Variants in SEC14L1 observed in about 807,000 individuals in gnomAD.
The protein encoded by SEC14L1 is SEC14 like lipid binding 1.
A neutral mutation model predicts 85.3 loss-of-function variants in SEC14L1; 48 were observed. That is an observed-to-expected ratio of 0.56 (90% CI 0.45 to 0.72). SEC14L1 has a LOEUF of 0.72. Among genes scored for constraint, SEC14L1 ranks in the 30% least tolerant of loss-of-function variants. The pLI, the probability that SEC14L1 is intolerant of heterozygous loss-of-function variation, is 0.00. For missense variants in SEC14L1, 682 were observed against 921.4 expected (o/e 0.74, Z 3.36); for synonymous variants, 391 against 355.5 (o/e 1.10, Z -1.12).
chr17:77,125,109 A>G (rs1278655530), intron 3 of SEC14L1, among the ~76,000 whole-genome samples: 1 of 151,666 alleles, frequency 6.6e-6, no homozygotes, highest in Non-Finnish European at 1.5e-5. Flanking sequence ...GGTTCAAGCG[A>G]TTCTCCTGCC....
intron 3 of SEC14L1, among the ~76,000 whole-genome samples, chr17:77,152,218 C>CA: frequency 6.6e-6 from 1 of 152,038 alleles, no homozygotes; most frequent in Non-Finnish European, 1.5e-5. Context: ...CCAAAATATT[C>CA]AGTCTCCATA....
At chr17:77,198,722 C>T (rs374382653) in intron 8 of SEC14L1, among the ~76,000 whole-genome samples, 6 of 152,002 alleles carry the variant, frequency 3.9e-5, no homozygotes, top group Admixed American at 2.0e-4. Context: ...CTCAGGCACC[C>T]GCCACCACGC....
rs373529746 is a variant in SEC14L1 at position 77,200,517 on chromosome 17, C to T, written c.853C>T (p.Arg285Cys). ...AGATGAGCATATTCTTCGGTTCCTC[C>T]GTGCACGGGATTTTAATATTGACAA... is the stretch of plus-strand genomic sequence containing the variant. Reference protein sequence around the residue: ...PKDEHILRFLRARDFNIDKAR... With the variant: ...PKDEHILRFLCARDFNIDKAR... The change falls in exon 9 of 17, where the codon CGT becomes TGT. Residue 285 changes from arginine to cysteine, a missense_variant. By Grantham distance (180) the Arg-to-Cys change is radical. This residue lies in a region of SEC14L1 where 420 missense variants were observed against 619.5 expected (regional missense o/e 0.68). Coordinates refer to ENST00000436233, the MANE Select transcript of SEC14L1 (RefSeq NM_001143998.2). 1.1e-5 allele frequency: 18 copies of T among 1,613,536 alleles called. No individual in the cohort carries two copies. Among genetic ancestry groups the T allele is most frequent in the East Asian group, 4.5e-5 (2 of 44,886 alleles).
At chr17:77,196,841 A>G (rs1334613096) in intron 8 of SEC14L1, among the ~76,000 whole-genome samples, 1 of 152,242 alleles carries the variant, frequency 6.6e-6, no homozygotes, top group Non-Finnish European at 1.5e-5. Flanking sequence ...TAGAAACCAA[A>G]TAACTGAGTG....
intron 3 of SEC14L1, among the ~76,000 whole-genome samples, chr17:77,187,218 C>T (rs1316477052): frequency 6.6e-6 from 1 of 152,176 alleles, no homozygotes; most frequent in Admixed American, 6.5e-5. Context: ...AAGGGATGCT[C>T]AACCCATACA....
At chr17:77,088,685 A>C (rs779705443), upstream of SEC14L1, 1 of 152,168 alleles carries the variant, frequency 6.6e-6, no homozygotes, top group African/African-American at 2.4e-5. Flanking sequence ...AGTGGGAAGT[A>C]AGTGGAGACA....
At chr17:77,149,730 A>T (rs987586613) in intron 3 of SEC14L1, among the ~76,000 whole-genome samples, 2 of 152,140 alleles carry the variant, frequency 1.3e-5, no homozygotes, top group Admixed American at 6.5e-5. Flanking sequence ...ATGCATCTCT[A>T]ATTCTGTTTT....
In SEC14L1 at chr17:77,214,114, C is replaced by A. The variant is rs914977357; in HGVS notation, c.*91C>A. 4 of 1,527,758 alleles carry A rather than the reference C, an allele frequency of 2.6e-6. No individual in the cohort carries two copies. Among genetic ancestry groups the A allele is most frequent in the Non-Finnish European group, 3.5e-6 (4 of 1,139,178 alleles). The allele number at this position is 1,527,758 out of a possible 1,614,324, so 94.6% of individuals were successfully genotyped here. A position where few individuals can be genotyped will look rare whatever the true frequency, so the allele number is the denominator to read the frequency against. On this transcript the variant is annotated 3_prime_UTR_variant, in exon 17 of 17. Transcript: ENST00000436233. Reference sequence around the variant, plus strand: ...CCGCCCACCCAGCGGCGACATTGTACAGACTCCTCTCACCTCTAGATAGCA... The same window carrying A: ...CCGCCCACCCAGCGGCGACATTGTAAAGACTCCTCTCACCTCTAGATAGCA...
intron 3 of SEC14L1, among the ~76,000 whole-genome samples, chr17:77,120,015 C>G (rs933025574): frequency 1.3e-5 from 2 of 152,130 alleles, no homozygotes; most frequent in Admixed American, 6.5e-5. Context: ...ATTTTCAGCT[C>G]ATTTGTTATA....
At chr17:77,139,224 A>G (rs1308455675), upstream of SEC14L1, among the ~76,000 whole-genome samples, 1 of 142,164 alleles carries the variant, frequency 7.0e-6, no homozygotes, top group Non-Finnish European at 1.5e-5. Context: ...GCTGGAGTGC[A>G]GGGCAGGTGG....
Position 77,214,783 on chromosome 17 carries a change from T to A in SEC14L1, c.*760T>A. 1 of 985,514 alleles carries A rather than the reference T, an allele frequency of 1.0e-6. No individual in the cohort carries two copies. Among genetic ancestry groups the A allele is most frequent in the Non-Finnish European group, 1.2e-6 (1 of 830,020 alleles). 61.0% of individuals were successfully genotyped at this position (985,514 alleles called of 1,614,324 possible). Reference sequence around the variant, plus strand: ...TGTATGTGAACTTGGGTGGGGGGGTTCTTCCCGTTTCCTTCCGTGCGTCGC... The same window carrying A: ...TGTATGTGAACTTGGGTGGGGGGGTACTTCCCGTTTCCTTCCGTGCGTCGC... On this transcript the variant is annotated 3_prime_UTR_variant, in exon 17 of 17. Transcript: ENST00000436233.
At chr17:77,147,835 T>A (rs937894326) in intron 3 of SEC14L1, among the ~76,000 whole-genome samples, 1 of 152,082 alleles carries the variant, frequency 6.6e-6, no homozygotes, top group Non-Finnish European at 1.5e-5. Context: ...TTAAATTGAG[T>A]TATAATTTAC....
chr17:77,129,296 G>GT lies in SEC14L1; in HGVS notation c.-135-13341dup, dbSNP rs199512479. On this transcript the variant is annotated intron_variant, in intron 3 of 19. Transcript: ENST00000392476. ...CCATCAGCATCCAATTAGTATTTTTGTTTTTTTTTCCTTTGGAGGAGGAAA... is the reference window on the plus strand; with the variant it reads ...CCATCAGCATCCAATTAGTATTTTTGTTTTTTTTTTCCTTTGGAGGAGGAAA... Among the ~76,000 whole-genome samples, 1,059 of 150,432 alleles carry GT rather than the reference G, an allele frequency of 7.0e-3. 12 individuals carry two copies. Among genetic ancestry groups the GT allele is most frequent in the African/African-American group, 0.024 (985 of 40,922 alleles).
chr17:77,177,782 T>C (rs953306337), intron 3 of SEC14L1, among the ~76,000 whole-genome samples: 5 of 152,224 alleles, frequency 3.3e-5, no homozygotes, highest in African/African-American at 4.8e-5. Context: ...TTTGTGCTTA[T>C]AGCAGTGGTT....
chr17:77,171,787 A>T (rs1181971591), intron 3 of SEC14L1, among the ~76,000 whole-genome samples: 1 of 152,194 alleles, frequency 6.6e-6, no homozygotes, highest in Non-Finnish European at 1.5e-5. Flanking sequence ...TTCTGTGAGG[A>T]TATCTCCGTT....
intron 3 of SEC14L1, among the ~76,000 whole-genome samples, chr17:77,105,373 AC>A (rs796673679): frequency 0.45 from 36,845 of 82,620 alleles, 7,016 homozygotes; most frequent in South Asian, 0.62. Flanking sequence ...CTCGCTGACC[AC>A]CCCCCCCCCC....
chr17:77,153,000 C>T (rs1465642879), intron 3 of SEC14L1, among the ~76,000 whole-genome samples: 1 of 152,176 alleles, frequency 6.6e-6, no homozygotes, highest in African/African-American at 2.4e-5. Flanking sequence ...AGCAAATAGG[C>T]TGTAAGGAGA....
chr17:77,125,331 A>C (rs1260692700), intron 3 of SEC14L1, among the ~76,000 whole-genome samples: 1 of 151,338 alleles, frequency 6.6e-6, no homozygotes, highest in Non-Finnish European at 1.5e-5. Flanking sequence ...AAAGAAAAAG[A>C]AAAAAAAACT....
intron 13 of SEC14L1, 27 bp from the exon 14 acceptor site, chr17:77,209,315 G>T (rs1206362442): frequency 2.5e-6 from 4 of 1,613,528 alleles, no homozygotes; most frequent in Non-Finnish European, 3.4e-6. Flanking sequence ...GTTTGCACAG[G>T]TTTCACTGCT....
Sources: allele counts gnomAD v4.1 joint callset (sites outside exome capture counted in the v4.1 genomes callset), GRCh38; gene constraint gnomAD v4.1.1; regional missense constraint gnomAD v4.1.1; transcripts MANE v1.5; gene names NCBI Gene and HGNC (gene_info 2026-07-23, HGNC 2026-07-21).